Variants in ASAP2 observed in about 807,000 individuals in gnomAD.
ASAP2 encodes the protein arf-GAP with SH3 domain, ANK repeat and PH domain-containing protein 2.
Under a neutral mutation model 131.4 loss-of-function variants are expected in ASAP2, and 45 were observed. The observed-to-expected ratio is 0.34, with a 90% CI of 0.27 to 0.44. The LOEUF is 0.44. Ranked by LOEUF, ASAP2 falls within the 20% of genes least tolerant of loss-of-function variation. ASAP2 has a pLI of 1.00. For synonymous variants in ASAP2, 510 were observed against 503.0 expected (o/e 1.01, Z -0.19); for missense variants, 1,011 against 1,297.0 (o/e 0.78, Z 3.39).
intron 26 of ASAP2, 99 bp downstream of exon 26, chr2:9,400,929 TG>T: frequency 8.0e-7 from 1 of 1,249,952 alleles, no homozygotes; most frequent in Non-Finnish European, 1.1e-6. Context: ...CCTCTTCCCC[TG>T]GCTGGGGCAG....
chr2:9,270,408 C>G (rs1406192174), intron 1 of ASAP2, among the ~76,000 whole-genome samples: 1 of 151,826 alleles, frequency 6.6e-6, no homozygotes, highest in Non-Finnish European at 1.5e-5. Flanking sequence ...TTTTGTTGCT[C>G]TAAGATTTCA....
chr2:9,289,990 G>C (rs966665342), intron 2 of ASAP2, among the ~76,000 whole-genome samples: 3 of 68,308 alleles, frequency 4.4e-5, no homozygotes, highest in Admixed American at 1.2e-4. Context: ...GGAAGAAGCC[G>C]GTGAGAGGCA....
At chr2:9,364,070 G>A (rs1246141519) in intron 15 of ASAP2, among the ~76,000 whole-genome samples, 1 of 152,178 alleles carries the variant, frequency 6.6e-6, no homozygotes, top group South Asian at 2.1e-4. Flanking sequence ...AGAAGATCAT[G>A]ATTTCAGCTT....
chr2:9,278,411 G>A (rs1666894347), intron 1 of ASAP2, among the ~76,000 whole-genome samples: 2 of 151,856 alleles, frequency 1.3e-5, no homozygotes. Flanking sequence ...TACTTGGGAG[G>A]CTGAGGCAGG....
intron 3 of ASAP2, among the ~76,000 whole-genome samples, chr2:9,318,123 A>C (rs1173156845): frequency 6.6e-6 from 1 of 152,158 alleles, no homozygotes; most frequent in African/African-American, 2.4e-5. Context: ...GGCCCAGAGC[A>C]CCAACCCCAG....
intron 6 of ASAP2, 149 bp downstream of exon 6, chr2:9,323,399 A>G: frequency 4.0e-6 from 5 of 1,240,294 alleles, no homozygotes; most frequent in African/African-American, 1.5e-5. Context: ...CATTTCTTTT[A>G]CTAGGGAAGC....
intron 15 of ASAP2, among the ~76,000 whole-genome samples, chr2:9,366,384 T>C (rs1673476697): frequency 6.6e-6 from 1 of 152,078 alleles, no homozygotes. Flanking sequence ...CCCTGGCTCA[T>C]AGAGGGGGCC....
intron 2 of ASAP2, among the ~76,000 whole-genome samples, chr2:9,283,323 C>T (rs1667253655): frequency 6.6e-6 from 1 of 152,222 alleles, no homozygotes; most frequent in Admixed American, 6.5e-5. Context: ...AGTGATCCAC[C>T]AGCCTCGGCC....
intron 2 of ASAP2, 84 bp from the exon 3 acceptor site, chr2:9,297,216 G>A: frequency 1.3e-6 from 2 of 1,535,986 alleles, no homozygotes; most frequent in Non-Finnish European, 1.8e-6. Context: ...GATGTGTTCA[G>A]TGTTATTCAC....
At chr2:9,318,033 G>A (rs979054674) in intron 3 of ASAP2, among the ~76,000 whole-genome samples, 7 of 152,028 alleles carry the variant, frequency 4.6e-5, no homozygotes, top group Non-Finnish European at 1.0e-4. Context: ...CCCAGCATTC[G>A]CTCGTGTGCC....
At chr2:9,230,075 C>A (rs758929071) in intron 1 of ASAP2, among the ~76,000 whole-genome samples, 1 of 152,192 alleles carries the variant, frequency 6.6e-6, no homozygotes. Flanking sequence ...CTTTTACATA[C>A]TGCATTAAAG....
At chr2:9,245,586 A>G (rs1168684621) in intron 1 of ASAP2, among the ~76,000 whole-genome samples, 2 of 152,158 alleles carry the variant, frequency 1.3e-5, no homozygotes, top group African/African-American at 2.4e-5. Context: ...TGACTTCTGA[A>G]TCTAAAAGAG....
At chr2:9,252,406 C>T (rs902591862) in intron 1 of ASAP2, among the ~76,000 whole-genome samples, 10 of 151,950 alleles carry the variant, frequency 6.6e-5, no homozygotes, top group African/African-American at 2.4e-4. Flanking sequence ...CATAGCAAAA[C>T]CCCATCTTTA....
intron 25 of ASAP2, among the ~76,000 whole-genome samples, 163 bp downstream of exon 25, chr2:9,400,235 CCCCTCCTGCCCCCT>C (rs1676526679): frequency 1.9e-5 from 2 of 104,602 alleles, no homozygotes; most frequent in Non-Finnish European, 4.0e-5. Context: ...CCTGCCCCCT[CCCCTCCTGCCCCCT>C]TCCCCTCCTG....
Position 9,207,270 on chromosome 2 carries a change from C to A in ASAP2, c.126+40C>A. The A allele has an allele frequency of 6.7e-7, 1 of 1,497,314 alleles. No individual in the cohort carries two copies. 92.8% of individuals were successfully genotyped at this position (1,497,314 alleles called of 1,614,324 possible). ...GCGGCGGCTCCGGCCGCAGGTATCC[C>A]GCGCCCCAGCCCCGCCCGCCGCTCC... On this transcript the variant is annotated intron_variant, in intron 1 of 27. Coordinates refer to ENST00000281419, the MANE Select transcript of ASAP2 (RefSeq NM_003887.3). The surrounding 1 kb of genome is among the most constrained non-coding windows in gnomAD (Gnocchi z 4.1).
intron 16 of ASAP2, 98 bp downstream of exon 16, chr2:9,368,617 C>A: frequency 1.0e-6 from 1 of 970,838 alleles, no homozygotes; most frequent in Non-Finnish European, 1.6e-6. Context: ...GTGCATCCAT[C>A]GTTGCTTCTT....
At chr2:9,244,821 A>C (rs1484048022) in intron 1 of ASAP2, among the ~76,000 whole-genome samples, 1 of 152,244 alleles carries the variant, frequency 6.6e-6, no homozygotes, top group African/African-American at 2.4e-5. Context: ...ATGTGAAGGC[A>C]AACCCTTTTC....
intron 7 of ASAP2, among the ~76,000 whole-genome samples, chr2:9,334,470 A>C (rs1671067652): frequency 6.6e-6 from 1 of 152,106 alleles, no homozygotes; most frequent in African/African-American, 2.4e-5. Flanking sequence ...CTCCCGTTAT[A>C]AACTGAAACT....
chr2:9,309,773 A>T (rs984774772), intron 3 of ASAP2, among the ~76,000 whole-genome samples: 1 of 152,240 alleles, frequency 6.6e-6, no homozygotes, highest in Admixed American at 6.5e-5. Flanking sequence ...CTCTAGCCAC[A>T]TGTGACTATT....
Sources: allele counts gnomAD v4.1 joint callset (sites outside exome capture counted in the v4.1 genomes callset), GRCh38; gene constraint gnomAD v4.1.1; non-coding constraint Gnocchi (gnomAD v3.1); transcripts MANE v1.5; gene names NCBI Gene and HGNC (gene_info 2026-07-23, HGNC 2026-07-21).